The following UNC5B variants were observed in gnomAD, a reference collection of about 807,000 sequenced individuals.
UNC5B encodes netrin receptor UNC5B.
A neutral mutation model predicts 103.7 loss-of-function variants in UNC5B; 56 were observed. That is an observed-to-expected ratio of 0.54 (90% CI 0.44 to 0.67). The LOEUF (loss-of-function observed/expected upper bound fraction) is 0.67, where lower values mean the gene tolerates loss of function less well. Ranked by LOEUF, UNC5B falls within the 30% of genes least tolerant of loss-of-function variation. The pLI, the probability that UNC5B is intolerant of heterozygous loss-of-function variation, is 0.00. For synonymous variants in UNC5B, 577 were observed against 542.0 expected (o/e 1.06, Z -0.90); for missense variants, 1,194 against 1,284.5 (o/e 0.93, Z 1.08).
intron 1 of UNC5B, among the ~76,000 whole-genome samples, chr10:71,224,156 GCA>G (rs2132240948): frequency 6.6e-6 from 1 of 152,210 alleles, no homozygotes; most frequent in South Asian, 2.1e-4. Flanking sequence ...GGGCTGCTGG[GCA>G]CAGTGACCCC....
intron 6 of UNC5B, 53 bp downstream of exon 6, chr10:71,287,818 G>C (rs1589196020): frequency 1.9e-6 from 3 of 1,578,540 alleles, no homozygotes; most frequent in African/African-American, 2.7e-5. Flanking sequence ...CCCACCTTCT[G>C]TTTTGTGTGC....
At position 71,212,583 on chromosome 10, in the gene UNC5B, G is replaced by C. The variant is rs1189699341; in HGVS notation, c.-403G>C. On this transcript the variant is annotated 5_prime_UTR_variant, in exon 1 of 17. Coordinates refer to ENST00000335350, the MANE Select transcript of UNC5B (RefSeq NM_170744.5). ...GCGGCGCTCGGCATTGTGGCAGGCG[G>C]CTGGGGCCGGCTAGGGCGCCGGAGC... 1 of 156,354 alleles carries C rather than the reference G, an allele frequency of 6.4e-6. No homozygotes were observed. Among genetic ancestry groups the C allele is most frequent in the Non-Finnish European group, 1.4e-5 (1 of 71,042 alleles). The allele number at this position is 156,354 out of a possible 1,614,324, so 9.7% of individuals were successfully genotyped here. A position where few individuals can be genotyped will look rare whatever the true frequency, so the allele number is the denominator to read the frequency against.
At chr10:71,276,331 C>T (rs534617544) in intron 1 of UNC5B, among the ~76,000 whole-genome samples, 46 of 152,168 alleles carry the variant, frequency 3.0e-4, no homozygotes, top group Non-Finnish European at 3.2e-4. Flanking sequence ...TATTCTCCCA[C>T]CCAGCTGGTA....
intron 2 of UNC5B, 121 bp downstream of exon 2, chr10:71,280,166 C>T (rs1048924952): frequency 1.6e-5 from 18 of 1,113,336 alleles, no homozygotes; most frequent in Admixed American, 1.1e-4. Flanking sequence ...TCCCCAAGTG[C>T]TGGCCACATG....
intron 1 of UNC5B, among the ~76,000 whole-genome samples, chr10:71,228,478 G>T (rs1369365021): frequency 6.6e-6 from 1 of 152,050 alleles, no homozygotes; most frequent in Admixed American, 6.5e-5. Context: ...CACAGACGAA[G>T]GGCTGATATT....
chr10:71,228,678 C>T (rs529099761), intron 1 of UNC5B, among the ~76,000 whole-genome samples: 10 of 152,344 alleles, frequency 6.6e-5, no homozygotes, highest in South Asian at 4.1e-4. Context: ...ATTTACCAGA[C>T]GGGAAAACAT....
At position 71,249,993 on chromosome 10, in the gene UNC5B, G is replaced by A. The variant is rs575035296; in HGVS notation, c.80-29828G>A. Among the ~76,000 whole-genome samples the A allele has an allele frequency of 2.6e-5, 4 of 152,210 alleles. No homozygotes were observed. In the South Asian group the frequency reaches 8.3e-4, roughly 32 times the overall value. On this transcript the variant is annotated intron_variant, in intron 1 of 16. Coordinates refer to ENST00000335350, the MANE Select transcript of UNC5B (RefSeq NM_170744.5). ...TTTAGGCTCAGGAGAACAGCCCAGA[G>A]GAGCTAAGTGGAAAGTGTGTGGCCA...
rs193059372 is a variant in UNC5B, at chr10:71,250,561, G to A, written c.80-29260G>A. On this transcript the variant is annotated intron_variant, in intron 1 of 16. Transcript: ENST00000335350. ...GTGGCTGTTTTGAAAGTTTGAGGGT[G>A]ACTTCCCAGGGTGTAGTGTTGAGAA... 6.8e-4 allele frequency among the ~76,000 whole-genome samples: 104 copies of A among 152,282 alleles called. 1 individual carries two copies. Among genetic ancestry groups the A allele is most frequent in the Admixed American group, 5.8e-3 (88 of 15,302 alleles).
At chr10:71,237,076 T>C (rs1243474706) in intron 1 of UNC5B, among the ~76,000 whole-genome samples, 1 of 152,058 alleles carries the variant, frequency 6.6e-6, no homozygotes, top group Non-Finnish European at 1.5e-5. Flanking sequence ...GCACAGGTGG[T>C]GGGCAAACAG....
chr10:71,230,053 G>T (rs993242026), intron 1 of UNC5B, among the ~76,000 whole-genome samples: 14 of 152,140 alleles, frequency 9.2e-5, no homozygotes, highest in Non-Finnish European at 2.9e-5. Flanking sequence ...GACCTACACT[G>T]TTATCATCTG....
At chr10:71,271,639 T>G (rs971334477) in intron 1 of UNC5B, among the ~76,000 whole-genome samples, 15 of 152,108 alleles carry the variant, frequency 9.9e-5, no homozygotes, top group African/African-American at 2.4e-5. Context: ...GTGGCCCCCA[T>G]AGCCAGGCCC....
intron 14 of UNC5B, 62 bp downstream of exon 14, chr10:71,296,022 T>A: frequency 1.2e-6 from 2 of 1,605,344 alleles, no homozygotes; most frequent in Non-Finnish European, 1.7e-6. Flanking sequence ...GAAGCCCAGC[T>A]CCCTCCCGGG....
chr10:71,251,132 T>C (rs920460640), intron 1 of UNC5B, among the ~76,000 whole-genome samples: 2 of 152,208 alleles, frequency 1.3e-5, no homozygotes, highest in Admixed American at 6.5e-5. Context: ...AATATATTGA[T>C]ATGGAAACTA....
At chr10:71,285,758 G>T (rs61851263) in intron 4 of UNC5B, among the ~76,000 whole-genome samples, 6,077 of 152,212 alleles carry the variant, frequency 0.04, 191 homozygotes, top group South Asian at 0.089. Context: ...CAGCTTTCTG[G>T]ATGCGAAAGG....
At chr10:71,284,934 C>T in intron 3 of UNC5B, 71 bp downstream of exon 3, 1 of 1,521,164 alleles carries the variant, frequency 6.6e-7, no homozygotes, top group South Asian at 1.3e-5. Context: ...GGAGAGGGAA[C>T]TTCACATCTG....
chr10:71,222,112 T>C (rs1007718346), intron 1 of UNC5B, among the ~76,000 whole-genome samples: 6 of 152,180 alleles, frequency 3.9e-5, no homozygotes, highest in African/African-American at 1.4e-4. Flanking sequence ...AAAGGCTTCC[T>C]GGAAGAGGGA....
chr10:71,261,405 T>C (rs1281004508), intron 1 of UNC5B, among the ~76,000 whole-genome samples: 1 of 152,184 alleles, frequency 6.6e-6, no homozygotes, highest in Non-Finnish European at 1.5e-5. Context: ...AGATTGACTC[T>C]ATAGCCCTTG....
intron 1 of UNC5B, among the ~76,000 whole-genome samples, chr10:71,226,859 G>A (rs2132244685): frequency 6.6e-6 from 1 of 152,130 alleles, no homozygotes; most frequent in South Asian, 2.1e-4. Flanking sequence ...AAAAGAAATA[G>A]GAATTAAGGG....
At chr10:71,289,285 ATAG>A (rs1358590868) in intron 8 of UNC5B, among the ~76,000 whole-genome samples, 2 of 152,244 alleles carry the variant, frequency 1.3e-5, no homozygotes, top group Non-Finnish European at 2.9e-5. Context: ...CAGGCAAGAA[ATAG>A]TAGAGCCAAG....
Sources: gnomAD v4.1 joint callset for allele counts (sites outside exome capture counted in the v4.1 genomes callset) on GRCh38, gnomAD v4.1.1 for gene constraint, MANE v1.5 for transcripts, NCBI Gene and HGNC (gene_info 2026-07-23, HGNC 2026-07-21) for gene names.